The following NRG1 variants were observed in gnomAD, a reference collection of about 807,000 sequenced individuals.
NRG1 encodes the protein pro-neuregulin-1, membrane-bound isoform.
Under a neutral mutation model 63.8 loss-of-function variants are expected in NRG1, and 18 were observed. That is an observed-to-expected ratio of 0.28 (90% confidence interval 0.19 to 0.42). The LOEUF (loss-of-function observed/expected upper bound fraction) is 0.42, where lower values mean the gene tolerates loss of function less well. Ranked by LOEUF, NRG1 falls within the 10% of genes least tolerant of loss-of-function variation. The probability of loss-of-function intolerance (pLI) is 1.00; values close to 1 mark genes in which losing one functional copy is unlikely to be tolerated. For missense variants in NRG1, 762 were observed against 814.7 expected (o/e 0.94, Z 0.79); for synonymous variants, 302 against 301.3 (o/e 1.00, Z -0.02).
chr8:31,715,645 A>G (rs1306959344), intron 1 of NRG1, among the ~76,000 whole-genome samples: 1 of 152,192 alleles, frequency 6.6e-6, no homozygotes, highest in Non-Finnish European at 1.5e-5. Context: ...CATTATTATA[A>G]CCAGTTGGCA....
chr8:32,376,876 C>T (rs193179468), intron 1 of NRG1, among the ~76,000 whole-genome samples: 13 of 152,310 alleles, frequency 8.5e-5, no homozygotes, highest in Non-Finnish European at 1.8e-4. Flanking sequence ...CAAATTAATA[C>T]ATCTTTCATT....
intron 1 of NRG1, among the ~76,000 whole-genome samples, chr8:32,506,052 C>T (rs1251939494): frequency 6.6e-6 from 1 of 151,854 alleles, no homozygotes; most frequent in Non-Finnish European, 1.5e-5. Flanking sequence ...GAGTTGGAGA[C>T]CATACTGGGC....
intron 1 of NRG1, among the ~76,000 whole-genome samples, chr8:32,246,496 A>C (rs1848599494): frequency 6.6e-6 from 1 of 152,184 alleles, no homozygotes; most frequent in African/African-American, 2.4e-5. Flanking sequence ...AATGAAAAGT[A>C]CCTGGCATAG....
intron 1 of NRG1, among the ~76,000 whole-genome samples, chr8:31,986,800 G>T (rs754270647): frequency 6.6e-6 from 1 of 152,058 alleles, no homozygotes; most frequent in Admixed American, 6.6e-5. Flanking sequence ...GTATGCTTCT[G>T]TTATGTTGAG....
intron 1 of NRG1, among the ~76,000 whole-genome samples, chr8:31,977,864 T>C (rs888915920): frequency 1.3e-5 from 2 of 151,962 alleles, no homozygotes; most frequent in Non-Finnish European, 2.9e-5. Flanking sequence ...AAATACCAAA[T>C]TCATAAGTCA....
At chr8:32,089,206 A>G (rs534794119) in intron 1 of NRG1, among the ~76,000 whole-genome samples, 1 of 152,226 alleles carries the variant, frequency 6.6e-6, no homozygotes, top group Non-Finnish European at 1.5e-5. Context: ...CTCCACAGCA[A>G]CAGAACAGCT....
chr8:32,762,934 A>G (rs1270373950), intron 11 of NRG1, among the ~76,000 whole-genome samples: 1 of 152,204 alleles, frequency 6.6e-6, no homozygotes, highest in Non-Finnish European at 1.5e-5. Context: ...GGGTACAGCC[A>G]ACCCTTGAGG....
rs141105296 is a variant in NRG1, at chr8:31,676,477, A to G, written c.37+37046A>G. Among the ~76,000 whole-genome samples, 12 of 152,124 alleles carry G rather than the reference A, an allele frequency of 7.9e-5. No homozygotes were observed. The East Asian group carries it at 1.4e-3, about 17-fold the overall frequency. On this transcript the variant is annotated intron_variant, in intron 1 of 10. Transcript: ENST00000519301. The stretch of plus-strand genomic sequence containing the variant: ...CTCTTTCTTTTCCATTTCATTCCCT[A>G]TGGCTTAGACCATTTAGGTGGGGCA...
chr8:32,687,398 C>T (rs1810448209), intron 5 of NRG1, among the ~76,000 whole-genome samples: 1 of 152,138 alleles, frequency 6.6e-6, no homozygotes, highest in South Asian at 2.1e-4. Flanking sequence ...GCACTATCTT[C>T]TGAAGTCACT....
chr8:32,269,326 T>G (rs1851310100), intron 1 of NRG1, among the ~76,000 whole-genome samples: 1 of 152,202 alleles, frequency 6.6e-6, no homozygotes, highest in Non-Finnish European at 1.5e-5. Flanking sequence ...AATAATAGGA[T>G]AGTTTTAAAT....
rs1563291437 is a variant in NRG1 at position 32,303,206 on chromosome 8, A to AAG, written c.38-292618_38-292617dup. Among the ~76,000 whole-genome samples the AAG allele has an allele frequency of 5.2e-4, 76 of 146,852 alleles. 1 individual carries two copies. The highest frequency in any genetic ancestry group is 2.0e-3 in the African/African-American group (75 of 37,768). On this transcript the variant is annotated intron_variant, in intron 1 of 10. Transcript: ENST00000519301. Reference sequence around the variant, plus strand: ...CTCCAAAAAAAAAAAAAAAAAAAAAAAGAGAAAAGAAAGAAAAGAAAAGAT... The same window carrying AAG: ...CTCCAAAAAAAAAAAAAAAAAAAAAAAGAGAGAAAAGAAAGAAAAGAAAAGAT...
chr8:32,393,065 C>A (rs747324805), intron 1 of NRG1, among the ~76,000 whole-genome samples: 1 of 152,122 alleles, frequency 6.6e-6, no homozygotes, highest in African/African-American at 2.4e-5. Context: ...TTTTCCCAGA[C>A]CATACACCTG....
chr8:32,373,438 T>G (rs1360942717), intron 1 of NRG1, among the ~76,000 whole-genome samples: 1 of 151,738 alleles, frequency 6.6e-6, no homozygotes, highest in Non-Finnish European at 1.5e-5. Context: ...CAAAAATAAT[T>G]TTTTTAATTT....
intron 1 of NRG1, among the ~76,000 whole-genome samples, chr8:32,059,558 C>T (rs1319363343): frequency 2.0e-5 from 3 of 151,952 alleles, no homozygotes; most frequent in East Asian, 1.9e-4. Context: ...ACCCTTTGGC[C>T]GACGATAGAA....
At chr8:32,713,687 A>G (rs1447634144) in intron 5 of NRG1, among the ~76,000 whole-genome samples, 1 of 147,622 alleles carries the variant, frequency 6.8e-6, no homozygotes, top group South Asian at 2.1e-4. Flanking sequence ...GCCTAGTTCC[A>G]ACTTTTAAAT....
intron 1 of NRG1, among the ~76,000 whole-genome samples, chr8:32,509,127 G>T: frequency 6.7e-6 from 1 of 149,632 alleles, no homozygotes. Flanking sequence ...TTTTGCGACA[G>T]GGTCTGGCTC....
intron 1 of NRG1, among the ~76,000 whole-genome samples, chr8:32,303,363 AC>A (rs1855830555): frequency 1.3e-5 from 2 of 152,070 alleles, no homozygotes; most frequent in Non-Finnish European, 2.9e-5. Context: ...AAAAAAAAAC[AC>A]AGAAAAAAAG....
intron 1 of NRG1, among the ~76,000 whole-genome samples, chr8:31,926,956 C>G (rs190099170): frequency 1.1e-4 from 16 of 152,310 alleles, no homozygotes; most frequent in Admixed American, 5.9e-4. Context: ...ATTCCACACT[C>G]TCTTCTAAAA....
At chr8:32,246,389 C>A (rs1016746233) in intron 1 of NRG1, among the ~76,000 whole-genome samples, 1 of 152,160 alleles carries the variant, frequency 6.6e-6, no homozygotes, top group African/African-American at 2.4e-5. Flanking sequence ...TTCATGCATA[C>A]ATCTGCCTCT....
Sources: allele counts gnomAD v4.1 joint callset (sites outside exome capture counted in the v4.1 genomes callset), GRCh38; gene constraint gnomAD v4.1.1; transcripts MANE v1.5; gene names NCBI Gene and HGNC (gene_info 2026-07-23, HGNC 2026-07-21).